The following NALCN variants were observed in gnomAD, a reference collection of about 807,000 sequenced individuals.
NALCN encodes the protein sodium leak channel, non-selective.
Under a neutral mutation model 225.3 loss-of-function variants are expected in NALCN, and 111 were observed. The observed-to-expected ratio is 0.49, with a 90% confidence interval of 0.42 to 0.58. NALCN has a LOEUF of 0.58. NALCN is among the 20% of genes least tolerant of loss of function. The probability of loss-of-function intolerance (pLI) is 0.00; values close to 1 mark genes in which losing one functional copy is unlikely to be tolerated. For synonymous variants in NALCN, 764 were observed against 769.0 expected, an observed-to-expected ratio of 0.99 and a Z score of 0.11; for missense variants, 1,378 against 2,202.4, an observed-to-expected ratio of 0.63 and a Z score of 7.49.
At chr13:101,211,528 A>T (rs183759344) in intron 13 of NALCN, among the ~76,000 whole-genome samples, 11 of 152,074 alleles carry the variant, frequency 7.2e-5, no homozygotes, top group African/African-American at 2.4e-4. Context: ...GCCACAGATG[A>T]GTCACCACAA....
intron 17 of NALCN, among the ~76,000 whole-genome samples, chr13:101,135,030 T>C (rs1263279411): frequency 6.6e-6 from 1 of 151,982 alleles, no homozygotes; most frequent in African/African-American, 2.4e-5. Flanking sequence ...CTGTCTCTAC[T>C]AAAAATACAA....
intron 27 of NALCN, among the ~76,000 whole-genome samples, chr13:101,099,731 T>C (rs990654403): frequency 2.0e-5 from 3 of 152,150 alleles, no homozygotes; most frequent in Non-Finnish European, 4.4e-5. Context: ...TCTCTGCTCT[T>C]TACAGAGGAA....
intron 3 of NALCN, among the ~76,000 whole-genome samples, chr13:101,391,699 C>T (rs1371382938): frequency 1.4e-5 from 2 of 144,346 alleles, no homozygotes; most frequent in Non-Finnish European, 3.0e-5. Flanking sequence ...AAAATGAAGA[C>T]ATAGGTCTGC....
rs562822628 is a variant in NALCN, at chr13:101,105,001, A to G, written c.2580-51T>C. On this transcript the variant is annotated intron_variant, in intron 22 of 43. Transcript: ENST00000251127. The stretch of plus-strand genomic sequence containing the variant: ...TCTGCAACAAAGCAAGCATGTTTTA[A>G]CTTGCTAAAAATCATATTTGCAAAC... 3.5e-5 allele frequency: 53 copies of G among 1,524,608 alleles called. No homozygotes were observed. The African/African-American group carries it at 6.3e-4, about 18-fold the overall frequency. The allele number at this position is 1,524,608 out of a possible 1,614,324, so 94.4% of individuals were successfully genotyped here. A position where few individuals can be genotyped will look rare whatever the true frequency, so the allele number is the denominator to read the frequency against.
chr13:101,364,575 G>C (rs1418540506), intron 6 of NALCN, among the ~76,000 whole-genome samples: 2 of 152,226 alleles, frequency 1.3e-5, no homozygotes, highest in Non-Finnish European at 2.9e-5. Flanking sequence ...TACCAGAGAA[G>C]GGGAAGGGTA....
At chr13:101,327,166 C>T (rs1249091681) in intron 7 of NALCN, among the ~76,000 whole-genome samples, 2 of 152,076 alleles carry the variant, frequency 1.3e-5, no homozygotes, top group Non-Finnish European at 2.9e-5. Context: ...TTACTCTACC[C>T]TTGCAAATAA....
In NALCN at chr13:101,055,107, ATGAT is replaced by A. The variant is rs972845803; in HGVS notation, c.*184_*187del. 2.4e-5 allele frequency: 14 copies of A among 575,556 alleles called. No homozygotes were observed. In the East Asian group the frequency reaches 3.5e-4, roughly 14 times the overall value. The allele number at this position is 575,556 out of a possible 1,614,324, so 35.7% of individuals were successfully genotyped here. A position where few individuals can be genotyped will look rare whatever the true frequency, so the allele number is the denominator to read the frequency against. On this transcript the variant is annotated 3_prime_UTR_variant, in exon 44 of 44. Coordinates refer to ENST00000251127, the MANE Select transcript of NALCN (RefSeq NM_052867.4). ...CATTATACAAAAATTTTTTTGAGCA[ATGAT>A]TGATAGTAACCCATCATACATGCAG...
At position 101,165,457 on chromosome 13, in the gene NALCN, T is replaced by C. The variant is rs533984605; in HGVS notation, c.1839+10843A>G. Among the ~76,000 whole-genome samples, 9 of 152,278 alleles carry C rather than the reference T, an allele frequency of 5.9e-5. No individual in the cohort carries two copies. In the East Asian group the frequency reaches 1.4e-3, roughly 23 times the overall value. ...AAAACATACAACATAAATTTTGCCATCTTGATCATTTTTGTCGTTGTTGTT... is the reference window on the plus strand; with the variant it reads ...AAAACATACAACATAAATTTTGCCACCTTGATCATTTTTGTCGTTGTTGTT... On this transcript the variant is annotated intron_variant, in intron 15 of 43. Transcript: ENST00000251127.
chr13:101,350,091 C>T (rs2045865607), intron 6 of NALCN, among the ~76,000 whole-genome samples: 1 of 152,284 alleles, frequency 6.6e-6, no homozygotes, highest in African/African-American at 2.4e-5. Context: ...TATCTGGCCT[C>T]CTCACTGGCC....
chr13:101,151,950 G>T (rs748826932), intron 15 of NALCN, among the ~76,000 whole-genome samples: 9 of 152,190 alleles, frequency 5.9e-5, no homozygotes, highest in Non-Finnish European at 1.0e-4. Context: ...CTTTTCTGCT[G>T]TGGACAAAAG....
At chr13:101,177,409 G>GTATA (rs10624930) in intron 14 of NALCN, among the ~76,000 whole-genome samples, 2,390 of 124,266 alleles carry the variant, frequency 0.019, 118 homozygotes, top group East Asian at 0.044. Flanking sequence ...GTAAATACGA[G>GTATA]TATATATATA....
chr13:101,198,056 G>T (rs1422152166), intron 13 of NALCN, among the ~76,000 whole-genome samples: 1 of 152,116 alleles, frequency 6.6e-6, no homozygotes, highest in Non-Finnish European at 1.5e-5. Context: ...ATCTTCCTTG[G>T]ATATATGAGA....
At chr13:101,107,328 C>T (rs146384523) in intron 22 of NALCN, among the ~76,000 whole-genome samples, 159 bp downstream of exon 22, 1 of 152,276 alleles carries the variant, frequency 6.6e-6, no homozygotes, top group African/African-American at 2.4e-5. Flanking sequence ...TGTTTTCCAC[C>T]TGGTCGGGTG....
chr13:101,150,021 C>G (rs1280206367), intron 15 of NALCN, among the ~76,000 whole-genome samples: 1 of 152,198 alleles, frequency 6.6e-6, no homozygotes, highest in South Asian at 2.1e-4. Flanking sequence ...TGCCCACTAG[C>G]AGTTGAGTGG....
intron 15 of NALCN, among the ~76,000 whole-genome samples, chr13:101,169,195 T>G (rs1346084037): frequency 6.6e-6 from 1 of 152,134 alleles, no homozygotes; most frequent in African/African-American, 2.4e-5. Flanking sequence ...CCCAACACAA[T>G]ATCTATAGCA....
At position 101,162,699 on chromosome 13, in the gene NALCN, G is replaced by C. The variant is rs190903736; in HGVS notation, c.1839+13601C>G. On this transcript the variant is annotated intron_variant, in intron 15 of 43. Coordinates refer to ENST00000251127, the MANE Select transcript of NALCN (RefSeq NM_052867.4). ...CAGGATCTGAAAGAAAAAGTGCTGCGAGGTTGCTCTTCCTTATCATCCTTG... is the reference window on the plus strand; with the variant it reads ...CAGGATCTGAAAGAAAAAGTGCTGCCAGGTTGCTCTTCCTTATCATCCTTG... Among the ~76,000 whole-genome samples the C allele has an allele frequency of 2.5e-3, 375 of 152,296 alleles. 2 individuals are homozygous for C. Among genetic ancestry groups the C allele is most frequent in the Admixed American group, 5.2e-3 (79 of 15,292 alleles).
At chr13:101,361,561 T>C (rs538411449) in intron 6 of NALCN, among the ~76,000 whole-genome samples, 23 of 152,332 alleles carry the variant, frequency 1.5e-4, no homozygotes, top group East Asian at 1.3e-3. Context: ...ACTGAAAGCA[T>C]AGAAAGCAGT....
intron 6 of NALCN, among the ~76,000 whole-genome samples, chr13:101,356,027 A>G (rs2046048298): frequency 6.6e-6 from 1 of 152,180 alleles, no homozygotes; most frequent in Non-Finnish European, 1.5e-5. Context: ...ACGTACCAGA[A>G]TATCTGGGAA....
intron 37 of NALCN, among the ~76,000 whole-genome samples, chr13:101,072,400 A>G (rs1029439408): frequency 6.6e-6 from 1 of 152,200 alleles, no homozygotes; most frequent in Non-Finnish European, 1.5e-5. Context: ...ATGGGATGCT[A>G]TGGAATAGCA....
Sources: allele counts gnomAD v4.1 joint callset (sites outside exome capture counted in the v4.1 genomes callset), GRCh38; gene constraint gnomAD v4.1.1; transcripts MANE v1.5; gene names NCBI Gene and HGNC (gene_info 2026-07-23, HGNC 2026-07-21).